Variants in MAP3K20 observed in about 807,000 individuals in gnomAD.
MAP3K20 encodes HCCS-4.
In MAP3K20, 40 loss-of-function variants were observed where a neutral mutation model predicts 85.7. The observed-to-expected ratio is 0.47, with a 90% CI of 0.36 to 0.61. The LOEUF is 0.61. Ranked by LOEUF, MAP3K20 falls within the 20% of genes least tolerant of loss-of-function variation. The pLI, the probability that MAP3K20 is intolerant of heterozygous loss-of-function variation, is 0.00. For missense variants in MAP3K20, 817 were observed against 961.7 expected (o/e 0.85, Z 1.99); for synonymous variants, 325 against 327.7 (o/e 0.99, Z 0.09).
At chr2:173,224,177 G>T in intron 11 of MAP3K20, 4 of 907,772 alleles carry the variant, frequency 4.4e-6, no homozygotes, top group Non-Finnish European at 5.3e-6. Context: ...ATGGGTGGGT[G>T]TTGAGGTTTT....
intron 2 of MAP3K20, among the ~76,000 whole-genome samples, chr2:173,132,477 T>G (rs1688645954): frequency 6.6e-6 from 1 of 152,220 alleles, no homozygotes; most frequent in Non-Finnish European, 1.5e-5. Context: ...AATGCATTTC[T>G]ACCCCTTCCC....
chr2:173,136,031 A>G (rs1030656725), intron 2 of MAP3K20, among the ~76,000 whole-genome samples: 5 of 152,196 alleles, frequency 3.3e-5, no homozygotes, highest in Non-Finnish European at 7.3e-5. Flanking sequence ...ATATTCATTG[A>G]CAAACCTGTG....
At chr2:173,137,789 C>T (rs1688838677) in intron 2 of MAP3K20, among the ~76,000 whole-genome samples, 1 of 152,098 alleles carries the variant, frequency 6.6e-6, no homozygotes, top group Non-Finnish European at 1.5e-5. Context: ...AATACTAGTG[C>T]TGTTGACACG....
intron 2 of MAP3K20, among the ~76,000 whole-genome samples, chr2:173,148,904 CTCT>C (rs940326447): frequency 1.3e-5 from 2 of 152,194 alleles, no homozygotes; most frequent in Non-Finnish European, 2.9e-5. Flanking sequence ...TTCACTCTGC[CTCT>C]TCTTCTGTTT....
intron 11 of MAP3K20, among the ~76,000 whole-genome samples, chr2:173,228,582 A>G (rs1209007111): frequency 6.6e-6 from 1 of 152,174 alleles, no homozygotes; most frequent in African/African-American, 2.4e-5. Context: ...CAGATACCGT[A>G]TGCCAGGCAC....
chr2:173,084,597 G>A (rs868729909), intron 1 of MAP3K20, among the ~76,000 whole-genome samples: 7 of 151,430 alleles, frequency 4.6e-5, no homozygotes, highest in Middle Eastern at 3.4e-3. Flanking sequence ...GAGAGGGAAA[G>A]GATTCAGGGA....
chr2:173,090,230 A>T (rs1687254254), intron 1 of MAP3K20, among the ~76,000 whole-genome samples: 1 of 152,204 alleles, frequency 6.6e-6, no homozygotes, highest in Non-Finnish European at 1.5e-5. Context: ...TTACCTGGAG[A>T]ATAGTAAAAC....
At chr2:173,092,576 C>G (rs1014002172) in intron 2 of MAP3K20, among the ~76,000 whole-genome samples, 2 of 152,168 alleles carry the variant, frequency 1.3e-5, no homozygotes, top group African/African-American at 4.8e-5. Context: ...GACTCTGAAA[C>G]CTCTAATTGA....
chr2:173,157,644 AT>A (rs549193432), intron 2 of MAP3K20, among the ~76,000 whole-genome samples: 2 of 152,228 alleles, frequency 1.3e-5, no homozygotes, highest in Non-Finnish European at 2.9e-5. Context: ...CACTTAGCTA[AT>A]CAGATTGTGA....
At chr2:173,168,132 T>C (rs1689891706) in intron 2 of MAP3K20, among the ~76,000 whole-genome samples, 1 of 150,896 alleles carries the variant, frequency 6.6e-6, no homozygotes, top group South Asian at 2.1e-4. Context: ...ACTTTATTAT[T>C]ATTTATTATT....
At chr2:173,264,031 C>A in intron 19 of MAP3K20, 136 bp downstream of exon 19, 17 of 1,263,432 alleles carry the variant, frequency 1.3e-5, no homozygotes, top group Non-Finnish European at 1.7e-5. Context: ...TAGCAGAAAA[C>A]CCAGTTGCAA....
At chr2:173,138,428 G>A (rs1688867538) in intron 2 of MAP3K20, among the ~76,000 whole-genome samples, 1 of 152,224 alleles carries the variant, frequency 6.6e-6, no homozygotes, top group African/African-American at 2.4e-5. Context: ...GGGAAGATTT[G>A]AAAGATGATG....
intron 2 of MAP3K20, among the ~76,000 whole-genome samples, chr2:173,099,822 A>G (rs992160850): frequency 5.3e-5 from 8 of 152,200 alleles, no homozygotes; most frequent in African/African-American, 1.7e-4. Context: ...TGAACATGCT[A>G]TGTCTTCTCA....
rs754341420 is a variant in MAP3K20, at chr2:173,263,805, A to C, written c.1612A>C (p.Lys538Gln). The C allele has an allele frequency of 6.2e-7, 1 of 1,613,808 alleles. No homozygotes were observed. ...HVHSIQWSRT[K>Q]PQDEVKAVQL... ...CCATTCGATTCAGTGGAGTAGAACAAAACCTCAGGATGAAGTGAAAGCAGT... is the reference window on the plus strand; with the variant it reads ...CCATTCGATTCAGTGGAGTAGAACACAACCTCAGGATGAAGTGAAAGCAGT... Residue 538 changes from lysine (K) to glutamine (Q), a missense_variant, in exon 19 of 20, where the codon AAA becomes CAA. Around this residue, in one of 4 missense-constraint regions of MAP3K20, gnomAD observed 454 missense variants for 476.9 expected, o/e 0.95. Transcript: ENST00000375213.
intron 2 of MAP3K20, among the ~76,000 whole-genome samples, chr2:173,162,902 C>T (rs566509464): frequency 1.3e-5 from 2 of 152,180 alleles, no homozygotes; most frequent in South Asian, 4.1e-4. Context: ...TAGCTGTTGA[C>T]AATCAGAGAG....
chr2:173,253,891 G>A (rs567034268), intron 16 of MAP3K20, among the ~76,000 whole-genome samples: 57 of 151,888 alleles, frequency 3.8e-4, no homozygotes, highest in African/African-American at 1.3e-3. Flanking sequence ...AACATAGTGA[G>A]ACTTCATCTC....
chr2:173,143,657 T>C (rs1191365714), intron 2 of MAP3K20, among the ~76,000 whole-genome samples: 4 of 152,196 alleles, frequency 2.6e-5, no homozygotes, highest in Admixed American at 2.6e-4. Flanking sequence ...CACTGTTCTG[T>C]AGAGATCCTG....
intron 1 of MAP3K20, among the ~76,000 whole-genome samples, 180 bp downstream of exon 1, chr2:173,076,182 G>GGAGCGAGCGGGCGGGC (rs1398525677): frequency 2.0e-5 from 3 of 151,540 alleles, no homozygotes; most frequent in Non-Finnish European, 4.4e-5. Flanking sequence ...GGCGGCGGCC[G>GGAGCGAGCGGGCGGGC]GAGCGAGCGG....
intron 10 of MAP3K20, chr2:173,210,914 A>C (rs1344262644): frequency 6.6e-6 from 1 of 152,206 alleles, no homozygotes; most frequent in African/African-American, 2.4e-5. Flanking sequence ...TTCCTTTGAA[A>C]TATCTTATCT....
Sources: allele counts gnomAD v4.1 joint callset (sites outside exome capture counted in the v4.1 genomes callset), GRCh38; gene constraint gnomAD v4.1.1; regional missense constraint gnomAD v4.1.1; transcripts MANE v1.5; gene names NCBI Gene and HGNC (gene_info 2026-07-23, HGNC 2026-07-21).